CNTN2: variants seen among roughly 807,000 people sequenced by gnomAD.
CNTN2 encodes the protein contactin 2, also known as contactin-2.
In CNTN2, 53 loss-of-function variants were observed where a neutral mutation model predicts 117.5. The ratio of observed to expected loss-of-function variants is 0.45; its 90% CI spans 0.36 to 0.57. The LOEUF (loss-of-function observed/expected upper bound fraction) is 0.57, where lower values mean the gene tolerates loss of function less well. CNTN2 is among the 20% of genes least tolerant of loss of function. The pLI is 0.00. For synonymous variants in CNTN2, 530 were observed against 561.7 expected (o/e 0.94, Z 0.80); for missense variants, 1,106 against 1,404.3 (o/e 0.79, Z 3.39).
intron 2 of CNTN2, 28 bp from the exon 3 acceptor site, chr1:205,057,893 A>T: frequency 6.2e-7 from 1 of 1,608,382 alleles, no homozygotes; most frequent in Non-Finnish European, 8.5e-7. Context: ...CAAGGCTCTG[A>T]GGCATCTGGT....
rs1036020548 is a variant in CNTN2, at chr1:205,072,187, C to T, written c.2731+54C>T. On this transcript the variant is annotated intron_variant, in intron 20 of 22. Coordinates refer to ENST00000331830, the MANE Select transcript of CNTN2 (RefSeq NM_005076.5). ...GGGCAATATTTTGGAGGGTGGGTGC[C>T]TCTGAGATCATTCCTTCCCCAATGA... The T allele has an allele frequency of 7.3e-6, 11 of 1,500,262 alleles. No homozygotes were observed. The African/African-American group carries it at 1.5e-4, about 21-fold the overall frequency. The allele number at this position is 1,500,262 out of a possible 1,614,324, so 92.9% of individuals were successfully genotyped here.
At chr1:205,056,466 G>T (rs1572994) in intron 2 of CNTN2, among the ~76,000 whole-genome samples, 97 of 152,322 alleles carry the variant, frequency 6.4e-4, no homozygotes, top group African/African-American at 2.2e-3. Context: ...GGCCATTCCT[G>T]GGAGCCCTGC....
rs1409016022 is a variant in CNTN2, at chr1:205,048,821, T to G, written c.-86-4279T>G. Among the ~76,000 whole-genome samples the G allele has an allele frequency of 1.3e-5, 2 of 152,006 alleles. No individual in the cohort carries two copies. The highest frequency in any genetic ancestry group is 2.9e-5 in the Non-Finnish European group (2 of 68,012). On this transcript the variant is annotated intron_variant, in intron 1 of 22. Coordinates refer to ENST00000331830, the MANE Select transcript of CNTN2 (RefSeq NM_005076.5). The surrounding 1 kb of genome is among the most constrained non-coding windows in gnomAD (Gnocchi z 4.1). ...TGCCTGGCACATGGTCAATAAACACTGTGATGGAAATGGATGCAGGGCAAG... is the reference window on the plus strand; with the variant it reads ...TGCCTGGCACATGGTCAATAAACACGGTGATGGAAATGGATGCAGGGCAAG...
At chr1:205,067,836 G>A (rs1654376101) in intron 16 of CNTN2, 1 of 144,022 alleles carries the variant, frequency 6.9e-6, no homozygotes, top group Non-Finnish European at 1.5e-5. Context: ...GCTGAAGCAG[G>A]AGAATCGCTT....
Position 205,058,162 on chromosome 1 carries a change from C to A in CNTN2, c.216-19C>A. 6.3e-7 allele frequency: 1 copy of A among 1,590,374 alleles called. No individual in the cohort carries two copies. The highest frequency in any genetic ancestry group is 8.6e-7 in the Non-Finnish European group (1 of 1,168,218). Reference sequence around the variant, plus strand: ...CCAGGCAGGACTCAGAGGTCCCCTTCCTCTGTCCCCTGCTGCAGGTGGAAG... The same window carrying A: ...CCAGGCAGGACTCAGAGGTCCCCTTACTCTGTCCCCTGCTGCAGGTGGAAG... On this transcript the variant is annotated intron_variant, in intron 3 of 22. Coordinates refer to ENST00000331830, the MANE Select transcript of CNTN2 (RefSeq NM_005076.5). The surrounding 1 kb of genome is among the most constrained non-coding windows in gnomAD (Gnocchi z 4.3).
intron 7 of CNTN2, chr1:205,060,886 T>C (rs1348398526): frequency 4.4e-6 from 1 of 228,580 alleles, no homozygotes; most frequent in Non-Finnish European, 8.5e-6. Flanking sequence ...AGAGAACCCG[T>C]AAAGACCCAG....
Position 205,065,332 on chromosome 1 carries a change from T to C in CNTN2, c.1695+70T>C. ...AGAGACAGGGGCCCCAAGATGTCCTTAGCCATCCTCACCTTTAAGAAACCC... is the reference window on the plus strand; with the variant it reads ...AGAGACAGGGGCCCCAAGATGTCCTCAGCCATCCTCACCTTTAAGAAACCC... On this transcript the variant is annotated intron_variant, in intron 13 of 22. Transcript: ENST00000331830. The surrounding 1 kb of genome is among the most constrained non-coding windows in gnomAD (Gnocchi z 4.1). The C allele has an allele frequency of 6.5e-7, 1 of 1,539,564 alleles. No homozygotes were observed. The highest frequency in any genetic ancestry group is 8.9e-7 in the Non-Finnish European group (1 of 1,124,280).
In CNTN2 at chr1:205,058,098, TG is replaced by T; in HGVS notation, c.215+36del. The T allele has an allele frequency of 6.2e-7, 1 of 1,607,108 alleles. No individual in the cohort carries two copies. Among genetic ancestry groups the T allele is most frequent in the Non-Finnish European group, 8.5e-7 (1 of 1,176,972 alleles). On this transcript the variant is annotated intron_variant, in intron 3 of 22. Coordinates refer to ENST00000331830, the MANE Select transcript of CNTN2 (RefSeq NM_005076.5). This position sits in a 1 kb window ranked among gnomAD's most constrained non-coding sequence, Gnocchi z 4.3. The stretch of plus-strand genomic sequence containing the variant: ...CTCTGCAGTGGGTGCTGGGAGGCCC[TG>T]GGCAGCCGTTGAACTTTCCCTCTCA...
intron 19 of CNTN2, among the ~76,000 whole-genome samples, chr1:205,071,158 C>T (rs1027982141): frequency 2.0e-5 from 3 of 152,172 alleles, no homozygotes; most frequent in African/African-American, 7.2e-5. Context: ...CATCCCAGAG[C>T]CCATTCAGGC....
At chr1:205,064,862 C>G in intron 12 of CNTN2, 112 bp downstream of exon 12, 2 of 1,488,004 alleles carry the variant, frequency 1.3e-6, no homozygotes, top group Non-Finnish European at 1.8e-6. Context: ...AAGGCCACCC[C>G]AGGATTCAGT....
rs201997947 is a variant in CNTN2, at chr1:205,064,703, A to T, written c.1472A>T (p.Glu491Val). The change falls in exon 12 of 23, where the codon GAG becomes GTG. Residue 491 changes from glutamate (E) to valine (V), a missense_variant. Transcript: ENST00000331830. Reference protein sequence around the residue: ...SDEGKYTCFAENFMGKANSTG... With the variant: ...SDEGKYTCFAVNFMGKANSTG... Reference sequence around the variant, plus strand: ...GAAGGCAAATACACCTGCTTTGCTGAGAACTTCATGGGCAAAGCCAACAGC... The same window carrying T: ...GAAGGCAAATACACCTGCTTTGCTGTGAACTTCATGGGCAAAGCCAACAGC... 2.0e-5 allele frequency: 32 copies of T among 1,614,192 alleles called. No homozygotes were observed. The highest frequency in any genetic ancestry group is 2.5e-5 in the Non-Finnish European group (29 of 1,180,020).
Position 205,070,465 on chromosome 1 carries a change from T to C in CNTN2, c.2471T>C (p.Val824Ala). 6.2e-7 allele frequency: 1 copy of C among 1,613,760 alleles called. No homozygotes were observed. Among genetic ancestry groups the C allele is most frequent in the East Asian group, 2.2e-5 (1 of 44,844 alleles). ...VAPTKVWAKGVSSSEMNVTWE... is the reference protein window; with the variant it reads ...VAPTKVWAKGASSSEMNVTWE... ...CCTACCAAGGTGTGGGCCAAAGGGGTCTCATCCTCAGAGATGAACGTGACC... is the reference window on the plus strand; with the variant it reads ...CCTACCAAGGTGTGGGCCAAAGGGGCCTCATCCTCAGAGATGAACGTGACC... The change falls in exon 19 of 23, where the codon GTC becomes GCC. Residue 824 changes from valine to alanine, a missense_variant. Coordinates refer to ENST00000331830, the MANE Select transcript of CNTN2 (RefSeq NM_005076.5).
rs1177902264 is a variant in CNTN2, at chr1:205,058,809, G to A, written c.487+146G>A. The A allele has an allele frequency of 4.3e-6, 3 of 693,202 alleles. No individual in the cohort carries two copies. Among genetic ancestry groups the A allele is most frequent in the Non-Finnish European group, 4.8e-6 (2 of 416,308 alleles). The allele number at this position is 693,202 out of a possible 1,614,324, so 42.9% of individuals were successfully genotyped here. A position where few individuals can be genotyped will look rare whatever the true frequency, so the allele number is the denominator to read the frequency against. On this transcript the variant is annotated intron_variant, in intron 5 of 22. Transcript: ENST00000331830. This position sits in a 1 kb window ranked among gnomAD's most constrained non-coding sequence, Gnocchi z 4.3. Reference sequence around the variant, plus strand: ...GGGACCCTAACTTTAAATGATCTGTGTTTCCTTTATAGGTCTGTCACTTTC... The same window carrying A: ...GGGACCCTAACTTTAAATGATCTGTATTTCCTTTATAGGTCTGTCACTTTC...
chr1:205,073,930 C>T lies in CNTN2; in HGVS notation c.*165C>T, dbSNP rs1654732260. ...TGTAGGAGGTAGGATATTTTATATTCTGCCGCAGGATAGAACCCACGCAAG... is the reference window on the plus strand; with the variant it reads ...TGTAGGAGGTAGGATATTTTATATTTTGCCGCAGGATAGAACCCACGCAAG... On this transcript the variant is annotated 3_prime_UTR_variant, in exon 23 of 23. Coordinates refer to ENST00000331830, the MANE Select transcript of CNTN2 (RefSeq NM_005076.5). The surrounding 1 kb of genome is among the most constrained non-coding windows in gnomAD (Gnocchi z 6.3). 13 of 625,570 alleles carry T rather than the reference C, an allele frequency of 2.1e-5. No homozygotes were observed. Among genetic ancestry groups the T allele is most frequent in the Non-Finnish European group, 3.4e-5 (12 of 352,948 alleles). The allele number at this position is 625,570 out of a possible 1,614,324, so 38.8% of individuals were successfully genotyped here.
rs1029020146 is a variant in CNTN2, at chr1:205,075,505, C to T, written c.*1740C>T. 1 of 152,652 alleles carries T rather than the reference C, an allele frequency of 6.6e-6. No homozygotes were observed. Among genetic ancestry groups the T allele is most frequent in the Non-Finnish European group, 1.5e-5 (1 of 68,054 alleles). The allele number at this position is 152,652 out of a possible 1,614,324, so 9.5% of individuals were successfully genotyped here. A position where few individuals can be genotyped will look rare whatever the true frequency, so the allele number is the denominator to read the frequency against. On this transcript the variant is annotated 3_prime_UTR_variant, in exon 23 of 23. Transcript: ENST00000331830. ...ACAGGCATCTTGAAGGGCATATGTC[C>T]TCGGAAGCTCCGAGCCTGTTTTCTG...
In CNTN2 at chr1:205,057,970, A is replaced by G; in HGVS notation, c.120A>G (p.Glu40=). The change falls in exon 3 of 23, where the codon GAA becomes GAG. Residue 40 remains glutamate (E), a synonymous_variant. Coordinates refer to ENST00000331830, the MANE Select transcript of CNTN2 (RefSeq NM_005076.5). The part of the protein sequence containing the change: ...GSQTTFGPVF[E]DQPLSVLFPE... ...AAACCACCTTCGGGCCTGTCTTTGA[A>G]GACCAGCCCCTCAGTGTGCTATTCC... 4 of 1,614,152 alleles carry G rather than the reference A, an allele frequency of 2.5e-6. No individual in the cohort carries two copies. Among genetic ancestry groups the G allele is most frequent in the Non-Finnish European group, 3.4e-6 (4 of 1,180,026 alleles).
At chr1:205,069,342 G>A (rs971404336) in intron 16 of CNTN2, 149 bp from the exon 17 acceptor site, 1 of 631,552 alleles carries the variant, frequency 1.6e-6, no homozygotes, top group South Asian at 2.1e-5. Context: ...TGACTCCAAA[G>A]CCTATGTTCA....
chr1:205,071,474 T>C (rs1457256687), intron 19 of CNTN2, among the ~76,000 whole-genome samples: 3 of 152,248 alleles, frequency 2.0e-5, no homozygotes, highest in South Asian at 2.1e-4. Flanking sequence ...TTCCAAACTC[T>C]GCCCTTGCCT....
chr1:205,070,577 TG>T, intron 19 of CNTN2, 39 bp downstream of exon 19: 2 of 1,478,652 alleles, frequency 1.4e-6, no homozygotes, highest in Non-Finnish European at 1.9e-6. Context: ...GAAGGGGTGC[TG>T]GGGCTTCAAA....
Sources: allele counts gnomAD v4.1 joint callset (sites outside exome capture counted in the v4.1 genomes callset), GRCh38; gene constraint gnomAD v4.1.1; non-coding constraint Gnocchi (gnomAD v3.1); transcripts MANE v1.5; gene names NCBI Gene and HGNC (gene_info 2026-07-23, HGNC 2026-07-21).